CMYA5: variants seen among roughly 807,000 people sequenced by gnomAD.
The protein encoded by CMYA5 is cardiomyopathy-associated protein 5.
In CMYA5, 246 loss-of-function variants were observed where a neutral mutation model predicts 318.9. The observed-to-expected ratio is 0.77, with a 90% CI of 0.70 to 0.86. The LOEUF (loss-of-function observed/expected upper bound fraction) is 0.86. Among genes scored for constraint, CMYA5 ranks in the 40% least tolerant of loss-of-function variants. The pLI, the probability that CMYA5 is intolerant of heterozygous loss-of-function variation, is 0.00. For synonymous variants in CMYA5, 1,641 were observed against 1,729.5 expected (o/e 0.95, Z 1.27); for missense variants, 4,589 against 4,678.2 (o/e 0.98, Z 0.56).
At position 79,729,391 on chromosome 5, in the gene CMYA5, A is replaced by G. The variant is rs759841644; in HGVS notation, c.626A>G (p.Tyr209Cys). The change falls in exon 2 of 13, where the codon TAC becomes TGC. Residue 209 changes from tyrosine to cysteine, a missense_variant. Tyr to Cys is a radical substitution (Grantham distance 194). Coordinates refer to ENST00000446378, the MANE Select transcript of CMYA5 (RefSeq NM_153610.5). Reference protein sequence around the residue: ...SNTPPITGAIYKEHKPLVLRP... With the variant: ...SNTPPITGAICKEHKPLVLRP... ...ACACCTCCGATTACTGGGGCAATAT[A>G]CAAAGAACACAAGCCATTAGTGTTA... The G allele has an allele frequency of 3.1e-6, 5 of 1,613,872 alleles. No individual in the cohort carries two copies. Among genetic ancestry groups the G allele is most frequent in the Non-Finnish European group, 4.2e-6 (5 of 1,179,802 alleles).
chr5:79,790,135 A>G (rs1829149984), intron 10 of CMYA5, among the ~76,000 whole-genome samples: 1 of 152,178 alleles, frequency 6.6e-6, no homozygotes, highest in South Asian at 2.1e-4. Context: ...CGTTTGTAAG[A>G]TAGTCAGGGC....
At chr5:79,747,213 A>C in intron 5 of CMYA5, 100 bp downstream of exon 5, 1 of 1,154,640 alleles carries the variant, frequency 8.7e-7, no homozygotes, top group South Asian at 1.6e-5. Context: ...CAATTAAAAA[A>C]TGCATTTAGT....
intron 1 of CMYA5, among the ~76,000 whole-genome samples, chr5:79,719,035 C>T (rs1014551873): frequency 9.9e-5 from 15 of 151,822 alleles, no homozygotes; most frequent in Admixed American, 4.6e-4. Flanking sequence ...TTAAGTGACA[C>T]GTGTTATACA....
Position 79,734,556 on chromosome 5 carries a change from G to T in CMYA5, c.5791G>T (p.Ala1931Ser). The T allele has an allele frequency of 6.2e-7, 1 of 1,613,912 alleles. No homozygotes were observed. The highest frequency in any genetic ancestry group is 2.2e-5 in the East Asian group (1 of 44,884). The change falls in exon 2 of 13, where the codon GCT becomes TCT. Residue 1931 changes from alanine to serine, a missense_variant. Transcript: ENST00000446378. Reference protein sequence around the residue: ...SNELRPGQLKAAVSSKDHTCE... With the variant: ...SNELRPGQLKSAVSSKDHTCE... ...TGAGCTGAGGCCAGGGCAGCTCAAGGCTGCTGTGTCCAGTAAGGACCATAC... is the reference window on the plus strand; with the variant it reads ...TGAGCTGAGGCCAGGGCAGCTCAAGTCTGCTGTGTCCAGTAAGGACCATAC...
In CMYA5 at chr5:79,732,561, C is replaced by G. The variant is rs771246431; in HGVS notation, c.3796C>G (p.Leu1266Val). The change falls in exon 2 of 13, where the codon CTA becomes GTA. Residue 1266 changes from leucine to valine, a missense_variant. Physicochemically the swap from Leu to Val is conservative, Grantham distance 32. Coordinates refer to ENST00000446378, the MANE Select transcript of CMYA5 (RefSeq NM_153610.5). Reference sequence around the variant, plus strand: ...ATTAGTTCTAAATGTGACTTCTGAACTAGAACAGAGAAAGTTGTCCAAGAA... The same window carrying G: ...ATTAGTTCTAAATGTGACTTCTGAAGTAGAACAGAGAAAGTTGTCCAAGAA... The part of the protein sequence containing the change: ...PKLVLNVTSE[L>V]EQRKLSKNEP... 28 of 1,612,814 alleles carry G rather than the reference C, an allele frequency of 1.7e-5. No individual in the cohort carries two copies. The highest frequency in any genetic ancestry group is 2.7e-5 in the African/African-American group (2 of 74,874).
intron 1 of CMYA5, among the ~76,000 whole-genome samples, chr5:79,713,210 G>A (rs867211421): frequency 6.6e-6 from 1 of 152,008 alleles, no homozygotes; most frequent in East Asian, 1.9e-4. Context: ...ACCTGGGATG[G>A]GGTACTAATG....
rs747537500 is a variant in CMYA5 at position 79,731,592 on chromosome 5, G to T, written c.2827G>T (p.Gly943Ter). ...NLSEEDQEDI[G>*]PFSPDSAFVS... ...ATCAGAAGAAGATCAAGAAGACATT[G>T]GACCTTTTTCTCCAGATTCTGCATT... is the stretch of plus-strand genomic sequence containing the variant. The change falls in exon 2 of 13, where the codon GGA (glycine) becomes TGA (stop). Residue 943 changes from glycine (G) to a stop codon, truncating the protein, a stop_gained. Transcript: ENST00000446378. LOFTEE classifies it high-confidence loss of function. The T allele has an allele frequency of 6.2e-7, 1 of 1,613,244 alleles. No homozygotes were observed. Among genetic ancestry groups the T allele is most frequent in the African/African-American group, 1.3e-5 (1 of 74,882 alleles).
intron 9 of CMYA5, among the ~76,000 whole-genome samples, chr5:79,785,348 T>G (rs1196668660): frequency 6.6e-6 from 1 of 152,148 alleles, no homozygotes; most frequent in African/African-American, 2.4e-5. Context: ...CTATTTGTTA[T>G]TTTTAGAGAT....
chr5:79,761,247 C>T (rs1280513183), intron 7 of CMYA5, among the ~76,000 whole-genome samples: 1 of 152,056 alleles, frequency 6.6e-6, no homozygotes, highest in Non-Finnish European at 1.5e-5. Flanking sequence ...TAGCTTATGA[C>T]CTATCAAAGT....
At chr5:79,713,265 C>T (rs1195664403) in intron 1 of CMYA5, among the ~76,000 whole-genome samples, 1 of 151,996 alleles carries the variant, frequency 6.6e-6, no homozygotes, top group East Asian at 1.9e-4. Flanking sequence ...ACATTCTCAG[C>T]ACACAGGACA....
At position 79,732,015 on chromosome 5, in the gene CMYA5, A is replaced by G. The variant is rs1472672896; in HGVS notation, c.3250A>G (p.Thr1084Ala). 5 of 1,613,874 alleles carry G rather than the reference A, an allele frequency of 3.1e-6. No individual in the cohort carries two copies. In the Admixed American group the frequency reaches 5.0e-5, roughly 16 times the overall value. ...TGAAGACTTAAGTCTGCCGCCTTCA[A>G]CAGATAAATCAGAGAAAGCAGAAAT... ...PLEDLSLPPSTDKSEKAEIKP... is the reference protein window; with the variant it reads ...PLEDLSLPPSADKSEKAEIKP... Residue 1084 changes from threonine to alanine, a missense_variant, in exon 2 of 13, where the codon ACA (threonine) becomes GCA (alanine). Transcript: ENST00000446378.
At chr5:79,742,722 C>T (rs1828242650) in intron 2 of CMYA5, among the ~76,000 whole-genome samples, 1 of 151,634 alleles carries the variant, frequency 6.6e-6, no homozygotes, top group African/African-American at 2.4e-5. Context: ...TTATTTATCT[C>T]CCATTGTGTG....
chr5:79,722,403 G>T (rs1316215477), intron 1 of CMYA5, among the ~76,000 whole-genome samples: 1 of 152,104 alleles, frequency 6.6e-6, no homozygotes, highest in African/African-American at 2.4e-5. Context: ...TTGGCTATGT[G>T]CAGTGGCTCA....
At position 79,736,209 on chromosome 5, in the gene CMYA5, C is replaced by A; in HGVS notation, c.7444C>A (p.Pro2482Thr). 6.2e-7 allele frequency: 1 copy of A among 1,613,468 alleles called. No individual in the cohort carries two copies. The highest frequency in any genetic ancestry group is 8.5e-7 in the Non-Finnish European group (1 of 1,179,646). Residue 2482 changes from proline to threonine, a missense_variant, in exon 2 of 13, where the codon CCA becomes ACA. Transcript: ENST00000446378. ...GGCAGAAAAACAAAACTCTGTGGCCCCATTAGAGCTTAGAGATAGTAATGA... is the reference window on the plus strand; with the variant it reads ...GGCAGAAAAACAAAACTCTGTGGCCACATTAGAGCTTAGAGATAGTAATGA... Reference protein sequence around the residue: ...VLAEKQNSVAPLELRDSNEIG... With the variant: ...VLAEKQNSVATLELRDSNEIG...
At chr5:79,775,076 G>A (rs1191609481) in intron 9 of CMYA5, among the ~76,000 whole-genome samples, 1 of 152,144 alleles carries the variant, frequency 6.6e-6, no homozygotes, top group Non-Finnish European at 1.5e-5. Context: ...TTCTTATTGA[G>A]TAATTAAAAG....
In CMYA5 at chr5:79,792,132, G is replaced by A. The variant is rs140795113; in HGVS notation, c.11789+1063G>A. 3.9e-3 allele frequency among the ~76,000 whole-genome samples: 587 copies of A among 152,292 alleles called. 3 individuals are homozygous for A. Among genetic ancestry groups the A allele is most frequent in the African/African-American group, 0.013 (549 of 41,558 alleles). On this transcript the variant is annotated intron_variant, in intron 11 of 12. Transcript: ENST00000446378. The stretch of plus-strand genomic sequence containing the variant: ...GTTACCTGCTCCTAGTTCTGGCCAA[G>A]GCTTCTCTGGACCCTGGCACCCTTT...
At position 79,713,297 on chromosome 5, in the gene CMYA5, GCCC is replaced by G. The variant is rs1161319591; in HGVS notation, c.150-15615_150-15613del. On this transcript the variant is annotated intron_variant, in intron 1 of 12. Transcript: ENST00000446378. The stretch of plus-strand genomic sequence containing the variant: ...GACAGTCCCCACCCCGCTGCACCCC[GCCC>G]CCACCCCCCACCCGCCGTCACAAAG... Among the ~76,000 whole-genome samples, 7 of 24,244 alleles carry G rather than the reference GCCC, an allele frequency of 2.9e-4. 1 individual carries two copies. The East Asian group carries it at 0.027, about 95-fold the overall frequency. 15.9% of individuals were successfully genotyped at this position (24,244 alleles called of 152,430 possible).
chr5:79,721,191 T>TA (rs941993916), intron 1 of CMYA5, among the ~76,000 whole-genome samples: 12 of 152,142 alleles, frequency 7.9e-5, no homozygotes, highest in Admixed American at 7.9e-4. Context: ...AATGGAATAA[T>TA]AAAAAAATTC....
At chr5:79,756,877 C>T (rs259123) in intron 6 of CMYA5, among the ~76,000 whole-genome samples, 3 of 151,518 alleles carry the variant, frequency 2.0e-5, no homozygotes, top group Non-Finnish European at 4.4e-5. Flanking sequence ...GGAAAAAAAA[C>T]CCATAAAAAA....
Sources: gnomAD v4.1 joint callset for allele counts (sites outside exome capture counted in the v4.1 genomes callset) on GRCh38, gnomAD v4.1.1 for gene constraint, MANE v1.5 for transcripts, NCBI Gene and HGNC (gene_info 2026-07-23, HGNC 2026-07-21) for gene names.